The following XKR6 variants were observed in gnomAD, a reference collection of about 807,000 sequenced individuals.
XKR6 encodes the protein XK related 6.
In XKR6, 22 loss-of-function variants were observed where a neutral mutation model predicts 56.7. The ratio of observed to expected loss-of-function variants is 0.39; its 90% CI spans 0.28 to 0.55. The LOEUF (loss-of-function observed/expected upper bound fraction) is 0.55. Ranked by LOEUF, XKR6 falls within the 20% of genes least tolerant of loss-of-function variation. The pLI is 0.66. For missense variants in XKR6, 852 were observed against 889.0 expected (o/e 0.96, Z 0.53); for synonymous variants, 524 against 387.8 (o/e 1.35, Z -4.13).
At chr8:10,997,692 G>A (rs1323237553) in intron 1 of XKR6, among the ~76,000 whole-genome samples, 3 of 152,114 alleles carry the variant, frequency 2.0e-5, no homozygotes, top group Non-Finnish European at 4.4e-5. Flanking sequence ...GGCTAAAGTG[G>A]GAGGTGCTGG....
intron 1 of XKR6, among the ~76,000 whole-genome samples, chr8:11,114,527 A>T (rs1168595907): frequency 6.6e-6 from 1 of 151,990 alleles, no homozygotes; most frequent in Admixed American, 6.6e-5. Flanking sequence ...ATGCCTGCTA[A>T]TTCTTGTATT....
At chr8:10,916,627 G>A (rs747603933) in intron 2 of XKR6, among the ~76,000 whole-genome samples, 1 of 152,182 alleles carries the variant, frequency 6.6e-6, no homozygotes, top group Non-Finnish European at 1.5e-5. Context: ...ACAGAAGCAG[G>A]CTTTACCCAT....
intron 1 of XKR6, among the ~76,000 whole-genome samples, chr8:11,037,137 C>T (rs530670692): frequency 1.3e-5 from 2 of 152,378 alleles, no homozygotes; most frequent in African/African-American, 4.8e-5. Context: ...GCATCTGTTT[C>T]ACCCAACAAT....
intron 1 of XKR6, among the ~76,000 whole-genome samples, chr8:11,049,476 G>C (rs1252786223): frequency 1.3e-5 from 2 of 152,190 alleles, no homozygotes; most frequent in African/African-American, 2.4e-5. Flanking sequence ...GCGGGAATTA[G>C]CCTCCTCCAG....
intron 1 of XKR6, among the ~76,000 whole-genome samples, chr8:11,172,914 C>A (rs1422572583): frequency 2.6e-5 from 4 of 152,018 alleles, no homozygotes; most frequent in Non-Finnish European, 5.9e-5. Flanking sequence ...AGGCTGGCAG[C>A]GGCGACACTG....
At chr8:11,098,060 T>G (rs2129175022) in intron 1 of XKR6, among the ~76,000 whole-genome samples, 1 of 152,206 alleles carries the variant, frequency 6.6e-6, no homozygotes, top group South Asian at 2.1e-4. Flanking sequence ...GTGAAAGTTG[T>G]TGGCAAGCTA....
intron 1 of XKR6, among the ~76,000 whole-genome samples, chr8:11,188,391 C>A (rs1249115486): frequency 1.3e-5 from 2 of 152,194 alleles, no homozygotes; most frequent in African/African-American, 4.8e-5. Flanking sequence ...TTTTTCCAAA[C>A]TCATCATGTG....
intron 1 of XKR6, chr8:11,062,618 C>G: frequency 2.6e-6 from 1 of 387,322 alleles, no homozygotes; most frequent in Non-Finnish European, 5.1e-6. Flanking sequence ...AACAATTTAT[C>G]TAGATCTTTT....
intron 2 of XKR6, 85 bp downstream of exon 2, chr8:10,924,549 C>G (rs1800819827): frequency 3.3e-5 from 49 of 1,493,110 alleles, no homozygotes; most frequent in Non-Finnish European, 4.4e-5. Context: ...ACAGAGCGTG[C>G]CAGGCACGAA....
chr8:10,962,628 G>GT lies in XKR6; in HGVS notation c.765-37799dup, dbSNP rs796689991. On this transcript the variant is annotated intron_variant, in intron 1 of 2. Transcript: ENST00000416569. ...TTCTGGTTCATCTGGTTTTTGTTTT[G>GT]TTTTTTTTTGTTTTTGAGACAGAGT... Among the ~76,000 whole-genome samples, 280 of 150,618 alleles carry GT rather than the reference G, an allele frequency of 1.9e-3. 1 individual carries two copies. The highest frequency in any genetic ancestry group is 5.5e-3 in the South Asian group (26 of 4,710).
intron 1 of XKR6, among the ~76,000 whole-genome samples, chr8:11,081,248 T>C (rs754392911): frequency 6.6e-6 from 1 of 152,356 alleles, no homozygotes. Context: ...ATCCAGCAGA[T>C]GGACTTTACC....
intron 1 of XKR6, among the ~76,000 whole-genome samples, chr8:10,991,507 A>T (rs1797993036): frequency 6.6e-6 from 1 of 152,204 alleles, no homozygotes; most frequent in African/African-American, 2.4e-5. Context: ...AGGCCGGAAC[A>T]CGATGAGTCT....
chr8:11,186,512 G>A (rs570885307), intron 1 of XKR6, among the ~76,000 whole-genome samples: 1 of 152,226 alleles, frequency 6.6e-6, no homozygotes, highest in Non-Finnish European at 1.5e-5. Flanking sequence ...AACTAGCTGG[G>A]AACCACAGGT....
chr8:11,071,061 C>T (rs879899890), intron 1 of XKR6, among the ~76,000 whole-genome samples: 2 of 152,230 alleles, frequency 1.3e-5, no homozygotes, highest in Admixed American at 6.5e-5. Context: ...CAGTTCATCT[C>T]ATTCACTGGA....
chr8:11,129,596 C>T (rs1051407355), intron 1 of XKR6, among the ~76,000 whole-genome samples: 2 of 152,142 alleles, frequency 1.3e-5, no homozygotes, highest in South Asian at 2.1e-4. Flanking sequence ...GAATACCATG[C>T]GCTGTTAAGA....
At chr8:11,088,986 GTGACATTT>G (rs939073320) in intron 1 of XKR6, among the ~76,000 whole-genome samples, 9 of 152,220 alleles carry the variant, frequency 5.9e-5, no homozygotes, top group Non-Finnish European at 1.2e-4. Flanking sequence ...GATTGATGGG[GTGACATTT>G]TGTAGGCTTT....
At chr8:11,051,700 T>C (rs530149168) in intron 1 of XKR6, among the ~76,000 whole-genome samples, 3 of 152,240 alleles carry the variant, frequency 2.0e-5, no homozygotes, top group African/African-American at 7.2e-5. Context: ...GAGCAGCTTT[T>C]CCCCACTGCC....
At chr8:11,032,088 C>T (rs907067524) in intron 1 of XKR6, among the ~76,000 whole-genome samples, 2 of 152,196 alleles carry the variant, frequency 1.3e-5, no homozygotes, top group African/African-American at 4.8e-5. Context: ...ACAGAGGTCC[C>T]TTACTACTCC....
intron 1 of XKR6, among the ~76,000 whole-genome samples, chr8:11,143,479 A>C (rs1471479334): frequency 6.6e-6 from 1 of 152,262 alleles, no homozygotes; most frequent in Admixed American, 6.5e-5. Flanking sequence ...GTTGAATTAC[A>C]CCAGCAGAGC....
Sources: allele counts gnomAD v4.1 joint callset (sites outside exome capture counted in the v4.1 genomes callset), GRCh38; gene constraint gnomAD v4.1.1; transcripts MANE v1.5; gene names NCBI Gene and HGNC (gene_info 2026-07-23, HGNC 2026-07-21).